MGAT3: variants seen among roughly 807,000 people sequenced by gnomAD.
MGAT3 encodes GlcNAc-T III.
MGAT3 carries 9 observed loss-of-function variants against 29.8 expected under a neutral mutation model. The observed-to-expected ratio is 0.30, with a 90% CI of 0.18 to 0.53. The LOEUF is 0.53. MGAT3 is among the 20% of genes least tolerant of loss of function. The pLI is 0.96. For synonymous variants in MGAT3, 397 were observed against 348.9 expected (o/e 1.14, Z -1.54); for missense variants, 557 against 769.5 (o/e 0.72, Z 3.27).
rs1928346717 is a variant in MGAT3, at chr22:39,457,090, T to TGCGGTGCGAGGCGCCC, written c.-468_-453dup. On this transcript the variant is annotated 5_prime_UTR_variant, in exon 1 of 2. Coordinates refer to ENST00000341184, the MANE Select transcript of MGAT3 (RefSeq NM_002409.5). The surrounding 1 kb of genome is among the most constrained non-coding windows in gnomAD (Gnocchi z 6.8). ...GCGCGGGGCGGCGGCGGCCGGAGTC[T>TGCGGTGCGAGGCGCCC]GCGGTGCGAGGCGCCCCCGGCCCGG... 6.9e-6 allele frequency among the ~76,000 whole-genome samples: 1 copy of TGCGGTGCGAGGCGCCC among 145,634 alleles called. No individual in the cohort carries two copies. The highest frequency in any genetic ancestry group is 2.5e-5 in the African/African-American group (1 of 40,452).
intron 1 of MGAT3, among the ~76,000 whole-genome samples, chr22:39,467,489 C>A (rs1569000194): frequency 6.6e-6 from 1 of 151,990 alleles, no homozygotes; most frequent in South Asian, 2.1e-4. Flanking sequence ...CTCAAGAGCC[C>A]CAAAGAGTGA....
chr22:39,488,499 C>G lies in MGAT3; in HGVS notation c.1152C>G (p.Arg384=). Residue 384 remains arginine (R), a synonymous_variant, in exon 2 of 2, where the codon CGC becomes CGG. Transcript: ENST00000341184. ...TGGACGGCATCCGCCTGCGCCGCCG[C>G]CAGTACTACACCATGCCCAACTTCA... is the stretch of plus-strand genomic sequence containing the variant. ...YGLDGIRLRR[R]QYYTMPNFRQ... 1 of 1,613,184 alleles carries G rather than the reference C, an allele frequency of 6.2e-7. No homozygotes were observed. Among genetic ancestry groups the G allele is most frequent in the South Asian group, 1.1e-5 (1 of 91,086 alleles).
At chr22:39,484,243 G>A (rs1241518627) in intron 1 of MGAT3, among the ~76,000 whole-genome samples, 1 of 152,200 alleles carries the variant, frequency 6.6e-6, no homozygotes, top group Non-Finnish European at 1.5e-5. Context: ...TTAAACTGCG[G>A]GCATCCAGCC....
At chr22:39,471,437 T>G (rs543382559) in intron 1 of MGAT3, among the ~76,000 whole-genome samples, 7 of 152,270 alleles carry the variant, frequency 4.6e-5, no homozygotes, top group Admixed American at 4.6e-4. Flanking sequence ...TCCTCTAACC[T>G]GAAGCTTTGT....
At chr22:39,475,479 C>A (rs1309868739) in intron 1 of MGAT3, among the ~76,000 whole-genome samples, 2 of 152,180 alleles carry the variant, frequency 1.3e-5, no homozygotes, top group African/African-American at 4.8e-5. Context: ...TGCCCCTGCA[C>A]CCTGGTGTCA....
intron 1 of MGAT3, among the ~76,000 whole-genome samples, chr22:39,470,287 G>A (rs960077885): frequency 6.6e-6 from 1 of 152,216 alleles, no homozygotes; most frequent in African/African-American, 2.4e-5. Flanking sequence ...CCTGTCTGAC[G>A]AGTGGCATCA....
chr22:39,488,323 G>A lies in MGAT3; in HGVS notation c.976G>A (p.Gly326Ser), dbSNP rs1422190330. 2 of 1,612,038 alleles carry A rather than the reference G, an allele frequency of 1.2e-6. No homozygotes were observed. Among genetic ancestry groups the A allele is most frequent in the East Asian group, 2.2e-5 (1 of 44,864 alleles). The stretch of plus-strand genomic sequence containing the variant: ...TGCGGACGAGATCCCGGCCCGTGAC[G>A]GCGTCCTTTTCCTCAAGCTCTACGA... ...DDADEIPARD[G>S]VLFLKLYDGW... Residue 326 changes from glycine (G) to serine (S), a missense_variant, in exon 2 of 2, where the codon GGC (glycine) becomes AGC (serine). Coordinates refer to ENST00000341184, the MANE Select transcript of MGAT3 (RefSeq NM_002409.5).
At chr22:39,473,732 T>C (rs988556544) in intron 1 of MGAT3, among the ~76,000 whole-genome samples, 1 of 141,286 alleles carries the variant, frequency 7.1e-6, no homozygotes, top group African/African-American at 2.7e-5. Flanking sequence ...AAGGAGGTGG[T>C]GCAGGTGGCA....
chr22:39,489,072 T>TGTGGGGGG lies in MGAT3; in HGVS notation c.*124_*125insTGGGGGGG. On this transcript the variant is annotated 3_prime_UTR_variant, in exon 2 of 2. Coordinates refer to ENST00000341184, the MANE Select transcript of MGAT3 (RefSeq NM_002409.5). ...ACCAGGAGTGGGTGGGGAGTGGGGG[T>TGTGGGGGG]GGGGGTAGGGTTTCCCTACTGAAGC... 1 of 365,000 alleles carries TGTGGGGGG rather than the reference T, an allele frequency of 2.7e-6. No individual in the cohort carries two copies. Among genetic ancestry groups the TGTGGGGGG allele is most frequent in the Non-Finnish European group, 5.0e-6 (1 of 200,930 alleles). The allele number at this position is 365,000 out of a possible 1,614,324, so 22.6% of individuals were successfully genotyped here.
intron 1 of MGAT3, among the ~76,000 whole-genome samples, chr22:39,480,402 A>G (rs1399015091): frequency 6.6e-6 from 1 of 152,190 alleles, no homozygotes; most frequent in African/African-American, 2.4e-5. Context: ...GGTCCTAACC[A>G]CAGTGACCCT....
Position 39,489,072 on chromosome 22 carries a change from T to TTGGGGGGGG in MGAT3, c.*123_*124insTGGGGGGGG. On this transcript the variant is annotated 3_prime_UTR_variant, in exon 2 of 2. Coordinates refer to ENST00000341184, the MANE Select transcript of MGAT3 (RefSeq NM_002409.5). ...ACCAGGAGTGGGTGGGGAGTGGGGG[T>TTGGGGGGGG]GGGGGTAGGGTTTCCCTACTGAAGC... 6 of 364,958 alleles carry TTGGGGGGGG rather than the reference T, an allele frequency of 1.6e-5. No individual in the cohort carries two copies. The highest frequency in any genetic ancestry group is 2.8e-5 in the South Asian group (1 of 36,078). The allele number at this position is 364,958 out of a possible 1,614,324, so 22.6% of individuals were successfully genotyped here.
Position 39,487,689 on chromosome 22 carries a change from C to A in MGAT3, c.342C>A (p.Gly114=). ...AGTATTTCGTGCGCACCAAGGCCGG[C>A]GGCGTCTGCTTCAAACCCGGCACCA... The part of the protein sequence containing the change: ...TTEYFVRTKA[G]GVCFKPGTKM... The change falls in exon 2 of 2, where the codon GGC becomes GGA. Residue 114 remains glycine, a synonymous_variant. Coordinates refer to ENST00000341184, the MANE Select transcript of MGAT3 (RefSeq NM_002409.5). The surrounding 1 kb of genome is among the most constrained non-coding windows in gnomAD (Gnocchi z 5.7). The A allele has an allele frequency of 1.9e-6, 3 of 1,593,684 alleles. No homozygotes were observed. The highest frequency in any genetic ancestry group is 1.1e-5 in the South Asian group (1 of 88,926).
chr22:39,461,805 G>T (rs1928504837), intron 1 of MGAT3, among the ~76,000 whole-genome samples: 1 of 152,142 alleles, frequency 6.6e-6, no homozygotes, highest in Non-Finnish European at 1.5e-5. Context: ...TAGCCAGCAT[G>T]TGTTGTGTTC....
Position 39,490,396 on chromosome 22 carries a change from G to A in MGAT3, c.*1447G>A, listed in dbSNP as rs962186556. On this transcript the variant is annotated 3_prime_UTR_variant, in exon 2 of 2. Transcript: ENST00000341184. The stretch of plus-strand genomic sequence containing the variant: ...CCTGGGAAGTGTAGTCTTCAGCGGG[G>A]CCGCCATGTGCCTGGCCTCACCTTG... 3 of 167,022 alleles carry A rather than the reference G, an allele frequency of 1.8e-5. No homozygotes were observed. The highest frequency in any genetic ancestry group is 7.2e-5 in the African/African-American group (3 of 41,466). The allele number at this position is 167,022 out of a possible 1,614,324, so 10.3% of individuals were successfully genotyped here.
chr22:39,465,560 A>T (rs1928618481), intron 1 of MGAT3, among the ~76,000 whole-genome samples: 1 of 152,200 alleles, frequency 6.6e-6, no homozygotes, highest in Admixed American at 6.5e-5. Context: ...TGCAGACACT[A>T]GACACGATCG....
chr22:39,479,961 T>G (rs4821901), intron 1 of MGAT3, among the ~76,000 whole-genome samples: 88,086 of 152,116 alleles, frequency 0.58, 26,315 homozygotes, highest in East Asian at 0.99. Flanking sequence ...CCGTGCATAG[T>G]TCTCTCTGAT....
Position 39,487,024 on chromosome 22 carries a change from C to G in MGAT3, c.-1-323C>G, listed in dbSNP as rs971702230. On this transcript the variant is annotated intron_variant, in intron 1 of 1. Transcript: ENST00000341184. The surrounding 1 kb of genome is among the most constrained non-coding windows in gnomAD (Gnocchi z 5.7). Reference sequence around the variant, plus strand: ...GCTTTTCCCAAGGCGCATGTTACTCCTGGAGCCAAGCCTAGCAGTGCAGCC... The same window carrying G: ...GCTTTTCCCAAGGCGCATGTTACTCGTGGAGCCAAGCCTAGCAGTGCAGCC... Among the ~76,000 whole-genome samples, 5 of 152,170 alleles carry G rather than the reference C, an allele frequency of 3.3e-5. No homozygotes were observed. Among genetic ancestry groups the G allele is most frequent in the Admixed American group, 2.0e-4 (3 of 15,282 alleles).
intron 1 of MGAT3, among the ~76,000 whole-genome samples, chr22:39,459,517 G>A (rs1928439619): frequency 6.6e-6 from 1 of 152,172 alleles, no homozygotes; most frequent in South Asian, 2.1e-4. Flanking sequence ...AAGCTGGAGT[G>A]CAGTGGTGTG....
chr22:39,482,809 C>G (rs1043355047), intron 1 of MGAT3, among the ~76,000 whole-genome samples: 1 of 152,170 alleles, frequency 6.6e-6, no homozygotes, highest in Non-Finnish European at 1.5e-5. Flanking sequence ...GGGAAACATG[C>G]CCAGATCCTT....
Sources: allele counts gnomAD v4.1 joint callset (sites outside exome capture counted in the v4.1 genomes callset), GRCh38; gene constraint gnomAD v4.1.1; non-coding constraint Gnocchi (gnomAD v3.1); transcripts MANE v1.5; gene names NCBI Gene and HGNC (gene_info 2026-07-23, HGNC 2026-07-21).